PIKFYVE: variants seen among roughly 807,000 people sequenced by gnomAD.
PIKFYVE encodes phosphoinositide kinase, FYVE-type zinc finger containing, also known as 1-phosphatidylinositol 3-phosphate 5-kinase.
In PIKFYVE, 122 loss-of-function variants were observed where a neutral mutation model predicts 257.9. That is an observed-to-expected ratio of 0.47 (90% CI 0.41 to 0.55). The LOEUF (loss-of-function observed/expected upper bound fraction) is 0.55. Ranked by LOEUF, PIKFYVE falls within the 20% of genes least tolerant of loss-of-function variation. PIKFYVE has a pLI of 0.00. For missense variants in PIKFYVE, 2,160 were observed against 2,536.6 expected (o/e 0.85, Z 3.19); for synonymous variants, 892 against 868.9 (o/e 1.03, Z -0.47).
In PIKFYVE at chr2:208,268,793, T is replaced by C. The variant is rs538291187; in HGVS notation, c.-10+2378T>C. 9.9e-5 allele frequency among the ~76,000 whole-genome samples: 15 copies of C among 150,842 alleles called. No individual in the cohort carries two copies. In the South Asian group the frequency reaches 1.3e-3, roughly 13 times the overall value. On this transcript the variant is annotated intron_variant, in intron 1 of 41. Transcript: ENST00000264380. ...TTCCCCTTCCTCTTCCTCTTTTTCT[T>C]CCCCCCCCAATAAACATGTATTGCC...
At chr2:208,343,617 T>C (rs1698936233) in intron 32 of PIKFYVE, among the ~76,000 whole-genome samples, 1 of 152,194 alleles carries the variant, frequency 6.6e-6, no homozygotes, top group African/African-American at 2.4e-5. Flanking sequence ...GCTGTCTCTC[T>C]TTCTAAATAT....
chr2:208,308,618 C>G (rs1694617806), intron 12 of PIKFYVE, among the ~76,000 whole-genome samples: 1 of 151,958 alleles, frequency 6.6e-6, no homozygotes, highest in Non-Finnish European at 1.5e-5. Context: ...TGGTAACCAC[C>G]ATTCTACTTA....
At chr2:208,266,906 C>T (rs1044857272) in intron 1 of PIKFYVE, among the ~76,000 whole-genome samples, 3 of 152,206 alleles carry the variant, frequency 2.0e-5, no homozygotes, top group African/African-American at 7.2e-5. Flanking sequence ...TCCATTTCAA[C>T]TTAGGTTTTG....
chr2:208,333,895 G>A (rs978624034), intron 24 of PIKFYVE, among the ~76,000 whole-genome samples: 7 of 152,042 alleles, frequency 4.6e-5, no homozygotes, highest in Non-Finnish European at 7.4e-5. Flanking sequence ...CTCCTGCCTC[G>A]GCCTTTCAAA....
At chr2:208,301,700 A>G (rs1010783048) in intron 9 of PIKFYVE, among the ~76,000 whole-genome samples, 1 of 152,184 alleles carries the variant, frequency 6.6e-6, no homozygotes, top group African/African-American at 2.4e-5. Flanking sequence ...ACATTATTCA[A>G]TCTCTGAGAC....
intron 12 of PIKFYVE, among the ~76,000 whole-genome samples, chr2:208,308,374 C>T (rs1035834215): frequency 6.7e-6 from 1 of 149,368 alleles, no homozygotes; most frequent in South Asian, 2.1e-4. Context: ...GCAGTCCAGC[C>T]TCGGTGACAG....
intron 30 of PIKFYVE, 48 bp from the exon 31 acceptor site, chr2:208,339,963 T>C (rs762581416): frequency 6.3e-7 from 1 of 1,587,746 alleles, no homozygotes; most frequent in Non-Finnish European, 8.6e-7. Flanking sequence ...TTTATACTTC[T>C]TATTCTCTGT....
intron 2 of PIKFYVE, among the ~76,000 whole-genome samples, chr2:208,272,653 CTTG>C (rs1156544521): frequency 2.6e-5 from 4 of 151,842 alleles, no homozygotes; most frequent in Admixed American, 6.5e-5. Flanking sequence ...GAAAGTAATT[CTTG>C]TTGTTGTATA....
chr2:208,332,846 T>C (rs1373076079), intron 23 of PIKFYVE, among the ~76,000 whole-genome samples: 4 of 152,168 alleles, frequency 2.6e-5, no homozygotes, highest in Non-Finnish European at 5.9e-5. Flanking sequence ...TTGGTAATGC[T>C]GCTCTCCTCC....
chr2:208,324,892 A>T lies in PIKFYVE; in HGVS notation c.2332-19A>T, dbSNP rs530175167. 8 of 1,612,288 alleles carry T rather than the reference A, an allele frequency of 5.0e-6. No individual in the cohort carries two copies. The highest frequency in any genetic ancestry group is 5.1e-6 in the Non-Finnish European group (6 of 1,178,516). On this transcript the variant is annotated intron_variant, in intron 18 of 41. Coordinates refer to ENST00000264380, the MANE Select transcript of PIKFYVE (RefSeq NM_015040.4). ...TATTCTTCTCTAGTTTTGTAATACA[A>T]TGTTTTTCTGTTTTGTAGCAAGTTT...
In PIKFYVE at chr2:208,324,174, A is replaced by G; in HGVS notation, c.2223A>G (p.Arg741=). The G allele has an allele frequency of 1.2e-6, 2 of 1,613,888 alleles. No individual in the cohort carries two copies. The highest frequency in any genetic ancestry group is 1.7e-6 in the Non-Finnish European group (2 of 1,179,774). Residue 741 remains arginine, a synonymous_variant, in exon 18 of 42, where the codon CGA becomes CGG. Coordinates refer to ENST00000264380, the MANE Select transcript of PIKFYVE (RefSeq NM_015040.4). ...AATTCTTGAAGAATTATGTCCAGCGAATAGTTGATGTTCGACCCACCTTGG... is the reference window on the plus strand; with the variant it reads ...AATTCTTGAAGAATTATGTCCAGCGGATAGTTGATGTTCGACCCACCTTGG... ...EREFLKNYVQ[R]IVDVRPTLVL...
In PIKFYVE at chr2:208,335,320, G is replaced by A. The variant is rs200003212; in HGVS notation, c.4157G>A (p.Arg1386Gln). Residue 1386 changes from arginine to glutamine, a missense_variant, in exon 25 of 42, where the codon CGG (arginine) becomes CAG (glutamine). Arg to Gln is a conservative substitution (Grantham distance 43). Coordinates refer to ENST00000264380, the MANE Select transcript of PIKFYVE (RefSeq NM_015040.4). ...TTTCTTCTCAGTTATTCTCCCATTC[G>A]GCTTCTTGAAGTATGTGTTCCACTC... ...MVASFSYSPI[R>Q]LLEVCVPLPK... 356 of 1,603,880 alleles carry A rather than the reference G, an allele frequency of 2.2e-4. No homozygotes were observed. Among genetic ancestry groups the A allele is most frequent in the Middle Eastern group, 5.0e-4 (3 of 6,060 alleles).
At chr2:208,354,368 C>A (rs988372622) in intron 40 of PIKFYVE, among the ~76,000 whole-genome samples, 12 of 152,128 alleles carry the variant, frequency 7.9e-5, no homozygotes, top group African/African-American at 2.7e-4. Flanking sequence ...TTAAAAAAGT[C>A]ACTTATAAAT....
rs1013769181 is a variant in PIKFYVE, at chr2:208,339,426, T to C, written c.4681T>C (p.Phe1561Leu). 3.1e-6 allele frequency: 5 copies of C among 1,614,072 alleles called. No homozygotes were observed. The African/African-American group carries it at 5.3e-5, about 17-fold the overall frequency. Residue 1561 changes from phenylalanine to leucine, a missense_variant, in exon 30 of 42, where the codon TTC becomes CTC. Transcript: ENST00000264380. ...ATTGTGTTTTTCTTTAGAGGATCGC[T>C]TCTTAACAACTTTGTCCAGCCAGAG... is the stretch of plus-strand genomic sequence containing the variant. ...GLQNGEKEDR[F>L]LTTLSSQSST...
intron 28 of PIKFYVE, 131 bp from the exon 29 acceptor site, chr2:208,338,377 G>A (rs971516298): frequency 4.6e-6 from 3 of 659,182 alleles, no homozygotes; most frequent in South Asian, 3.7e-5. Context: ...AATATTAAGG[G>A]GGTTTTTAGT....
chr2:208,276,404 T>C (rs1446462610), intron 3 of PIKFYVE, among the ~76,000 whole-genome samples: 1 of 152,050 alleles, frequency 6.6e-6, no homozygotes, highest in Admixed American at 6.6e-5. Flanking sequence ...GCTTAAGGAG[T>C]CATTAATGAA....
Position 208,313,123 on chromosome 2 carries a change from TTTTG to T in PIKFYVE, c.1696+840_1696+843del, listed in dbSNP as rs1334961378. Among the ~76,000 whole-genome samples, 9 of 152,336 alleles carry T rather than the reference TTTTG, an allele frequency of 5.9e-5. 1 individual carries two copies. Among genetic ancestry groups the T allele is most frequent in the South Asian group, 4.1e-4 (2 of 4,830 alleles). On this transcript the variant is annotated intron_variant, in intron 13 of 41. Coordinates refer to ENST00000264380, the MANE Select transcript of PIKFYVE (RefSeq NM_015040.4). ...CTGCTGGGCTGTTTGGTGGAAGTTTTTTTGTTTGTTTGTTTTGCTTTTAAGAGGG... is the reference window on the plus strand; with the variant it reads ...CTGCTGGGCTGTTTGGTGGAAGTTTTTTTGTTTGTTTTGCTTTTAAGAGGG...
At chr2:208,297,829 G>T (rs1693173501) in intron 7 of PIKFYVE, among the ~76,000 whole-genome samples, 1 of 149,644 alleles carries the variant, frequency 6.7e-6, no homozygotes, top group South Asian at 2.1e-4. Context: ...ATAAATTAAA[G>T]TTTCCTTGAT....
intron 5 of PIKFYVE, among the ~76,000 whole-genome samples, chr2:208,281,299 G>A (rs1690775861): frequency 6.6e-6 from 1 of 152,158 alleles, no homozygotes; most frequent in Non-Finnish European, 1.5e-5. Flanking sequence ...CATCTAAACA[G>A]ACTGTTGGAG....
Sources: gnomAD v4.1 joint callset for allele counts (sites outside exome capture counted in the v4.1 genomes callset) on GRCh38, gnomAD v4.1.1 for gene constraint, MANE v1.5 for transcripts, NCBI Gene and HGNC (gene_info 2026-07-23, HGNC 2026-07-21) for gene names.